Variants in TMEM232 observed in about 807,000 individuals in gnomAD.
The protein encoded by TMEM232 is transmembrane protein 232.
Under a neutral mutation model 78.8 loss-of-function variants are expected in TMEM232, and 80 were observed. The ratio of observed to expected loss-of-function variants is 1.01; its 90% CI spans 0.85 to 1.22. TMEM232 has a LOEUF of 1.22. TMEM232 is among the 50% of genes most tolerant of loss of function. The pLI is 0.00. For synonymous variants in TMEM232, 297 were observed against 254.3 expected (o/e 1.17, Z -1.60); for missense variants, 881 against 742.2 (o/e 1.19, Z -2.17).
At chr5:110,531,136 C>A (rs899197830) in intron 11 of TMEM232, among the ~76,000 whole-genome samples, 1 of 149,946 alleles carries the variant, frequency 6.7e-6, no homozygotes, top group African/African-American at 2.5e-5. Context: ...TACTGAGCAC[C>A]CTGTGACCCC....
At chr5:110,619,138 A>G (rs1405580646) in intron 7 of TMEM232, among the ~76,000 whole-genome samples, 2 of 152,174 alleles carry the variant, frequency 1.3e-5, no homozygotes, top group Non-Finnish European at 2.9e-5. Context: ...ATTGGTAGAA[A>G]ATGATGACAT....
intron 12 of TMEM232, among the ~76,000 whole-genome samples, chr5:110,491,189 G>A (rs1051470098): frequency 1.3e-5 from 2 of 150,832 alleles, no homozygotes; most frequent in African/African-American, 5.0e-5. Context: ...TTTAAAGAAG[G>A]TAAACACATG....
intron 12 of TMEM232, among the ~76,000 whole-genome samples, chr5:110,505,994 A>C (rs989358378): frequency 6.6e-6 from 1 of 152,230 alleles, no homozygotes; most frequent in Non-Finnish European, 1.5e-5. Flanking sequence ...GGCCCAAATC[A>C]GACTCGCATA....
At chr5:110,494,100 C>A (rs766286578) in intron 12 of TMEM232, among the ~76,000 whole-genome samples, 7 of 151,934 alleles carry the variant, frequency 4.6e-5, no homozygotes, top group Non-Finnish European at 7.4e-5. Context: ...ATGAACTCAC[C>A]CTTTTTATGG....
chr5:110,589,181 G>A (rs1395382991), intron 10 of TMEM232, among the ~76,000 whole-genome samples: 1 of 152,032 alleles, frequency 6.6e-6, no homozygotes, highest in Admixed American at 6.6e-5. Context: ...TCTGTAACAG[G>A]AATTAAGAAA....
chr5:110,432,982 A>G (rs2112694762), intron 12 of TMEM232, among the ~76,000 whole-genome samples: 1 of 151,950 alleles, frequency 6.6e-6, no homozygotes, highest in Non-Finnish European at 1.5e-5. Flanking sequence ...CCGGCTTTAT[A>G]AAACACTTAC....
intron 6 of TMEM232, among the ~76,000 whole-genome samples, chr5:110,626,879 T>C (rs964063153): frequency 2.6e-5 from 4 of 152,058 alleles, no homozygotes; most frequent in African/African-American, 9.7e-5. Context: ...ACCTCCCTTA[T>C]TTCCCTTTTC....
At chr5:110,710,219 C>G (rs1796325949) in intron 1 of TMEM232, among the ~76,000 whole-genome samples, 1 of 152,092 alleles carries the variant, frequency 6.6e-6, no homozygotes, top group Admixed American at 6.6e-5. Flanking sequence ...TGAAGAAATT[C>G]TTAATCTGAA....
At chr5:110,692,624 G>C (rs577991071) in intron 1 of TMEM232, among the ~76,000 whole-genome samples, 2 of 152,330 alleles carry the variant, frequency 1.3e-5, no homozygotes, top group African/African-American at 4.8e-5. Context: ...TTTCCAACGG[G>C]CTTAACAAAC....
intron 4 of TMEM232, among the ~76,000 whole-genome samples, chr5:110,389,126 T>A (rs1324645969): frequency 6.6e-6 from 1 of 152,094 alleles, no homozygotes; most frequent in Non-Finnish European, 1.5e-5. Context: ...CTGGTCAAGT[T>A]GGCACATGCC....
At chr5:110,738,781 C>G (rs938488344), upstream of TMEM232, 1 of 381,008 alleles carries the variant, frequency 2.6e-6, no homozygotes, top group South Asian at 3.5e-5. Flanking sequence ...GAACTCCTCC[C>G]ATGCAGGCCC....
chr5:110,427,247 T>G (rs1757339244), intron 12 of TMEM232, among the ~76,000 whole-genome samples: 1 of 151,976 alleles, frequency 6.6e-6, no homozygotes, highest in African/African-American at 2.4e-5. Flanking sequence ...TTCAGTTTCT[T>G]CATCCGTAAT....
chr5:110,484,553 T>C (rs978090583), intron 12 of TMEM232, among the ~76,000 whole-genome samples: 1 of 151,954 alleles, frequency 6.6e-6, no homozygotes, highest in Admixed American at 6.6e-5. Context: ...TTAAAAATAT[T>C]CCCAATACAT....
intron 12 of TMEM232, among the ~76,000 whole-genome samples, chr5:110,444,819 T>C (rs572801577): frequency 6.6e-6 from 1 of 152,304 alleles, no homozygotes; most frequent in South Asian, 2.1e-4. Flanking sequence ...TAAGTAAGCC[T>C]CTTTGCTTCT....
At chr5:110,466,898 TTGTGTG>T (rs36031837) in intron 12 of TMEM232, among the ~76,000 whole-genome samples, 1 of 149,658 alleles carries the variant, frequency 6.7e-6, no homozygotes, top group Non-Finnish European at 1.5e-5. Context: ...ACTATAGTAT[TTGTGTG>T]TGTGTGTGTG....
chr5:110,417,841 C>CAG (rs1756304555), downstream of TMEM232: 1 of 152,078 alleles, frequency 6.6e-6, no homozygotes, highest in Admixed American at 6.6e-5. Flanking sequence ...GGAAGAGTTT[C>CAG]AGGATGAGAG....
At chr5:110,649,021 C>T (rs569209829) in intron 2 of TMEM232, among the ~76,000 whole-genome samples, 12 of 152,106 alleles carry the variant, frequency 7.9e-5, no homozygotes, top group East Asian at 7.7e-4. Context: ...GTGAGGTCAG[C>T]GGTTAGTGTG....
At chr5:110,587,367 T>C (rs1204418065) in intron 10 of TMEM232, among the ~76,000 whole-genome samples, 1 of 152,080 alleles carries the variant, frequency 6.6e-6, no homozygotes, top group Non-Finnish European at 1.5e-5. Flanking sequence ...TTTGCTATGT[T>C]ATCAAACAAG....
At chr5:110,584,608 G>A (rs1778593642) in intron 10 of TMEM232, among the ~76,000 whole-genome samples, 1 of 152,060 alleles carries the variant, frequency 6.6e-6, no homozygotes, top group African/African-American at 2.4e-5. Context: ...GGATTCATGT[G>A]TTTGATTAAA....
Sources: allele counts gnomAD v4.1 joint callset (sites outside exome capture counted in the v4.1 genomes callset), GRCh38; gene constraint gnomAD v4.1.1; transcripts MANE v1.5; gene names NCBI Gene and HGNC (gene_info 2026-07-23, HGNC 2026-07-21).